The following NRCAM variants were observed in gnomAD, a reference collection of about 807,000 sequenced individuals.
NRCAM encodes the protein neuronal cell adhesion molecule.
NRCAM carries 83 observed loss-of-function variants against 156.5 expected under a neutral mutation model. The observed-to-expected ratio is 0.53, with a 90% CI of 0.44 to 0.64. The LOEUF is 0.64. Among genes scored for constraint, NRCAM ranks in the 30% least tolerant of loss-of-function variants. The pLI, the probability that NRCAM is intolerant of heterozygous loss-of-function variation, is 0.00. For synonymous variants in NRCAM, 538 were observed against 563.9 expected, an observed-to-expected ratio of 0.95 and a Z score of 0.65; for missense variants, 1,417 against 1,597.3, an observed-to-expected ratio of 0.89 and a Z score of 1.92.
intron 20 of NRCAM, 121 bp from the exon 21 acceptor site, chr7:108,184,735 T>G: frequency 2.8e-6 from 2 of 704,518 alleles, no homozygotes; most frequent in Non-Finnish European, 4.5e-6. Flanking sequence ...TATTTTACTT[T>G]CAAGAAAAAT....
At chr7:108,385,222 C>T (rs888549186) in intron 2 of NRCAM, among the ~76,000 whole-genome samples, 1 of 152,168 alleles carries the variant, frequency 6.6e-6, no homozygotes, top group African/African-American at 2.4e-5. Context: ...ATGATTCAAA[C>T]CCTTGTATTT....
In NRCAM at chr7:108,175,416, G is replaced by A. The variant is rs1032461802; in HGVS notation, c.3152-59C>T. 4.2e-5 allele frequency: 57 copies of A among 1,349,290 alleles called. 1 individual carries two copies. In the Admixed American group the frequency reaches 1.2e-3, roughly 28 times the overall value. The allele number at this position is 1,349,290 out of a possible 1,614,324, so 83.6% of individuals were successfully genotyped here. A position where few individuals can be genotyped will look rare whatever the true frequency, so the allele number is the denominator to read the frequency against. The stretch of plus-strand genomic sequence containing the variant: ...ATAGTTAGATGTAACACACCCATGA[G>A]CATGTATAGCGATACAAAAACACTT... On this transcript the variant is annotated intron_variant, in intron 27 of 32. Transcript: ENST00000379028.
At chr7:108,220,264 C>T (rs2153666687) in intron 11 of NRCAM, among the ~76,000 whole-genome samples, 1 of 152,210 alleles carries the variant, frequency 6.6e-6, no homozygotes, top group South Asian at 2.1e-4. Context: ...GTGAAAATGA[C>T]ATACTGCCAA....
intron 3 of NRCAM, among the ~76,000 whole-genome samples, chr7:108,279,046 A>T (rs886413539): frequency 6.6e-6 from 1 of 152,214 alleles, no homozygotes; most frequent in African/African-American, 2.4e-5. Flanking sequence ...CACTGAAAGA[A>T]GGTTGTCTGC....
At position 108,296,363 on chromosome 7, in the gene NRCAM, A is replaced by G. The variant is rs1048309291; in HGVS notation, c.-107+16302T>C. Among the ~76,000 whole-genome samples, 4 of 152,182 alleles carry G rather than the reference A, an allele frequency of 2.6e-5. No individual in the cohort carries two copies. The East Asian group carries it at 5.8e-4, about 22-fold the overall frequency. ...TAGAAAGAACTGAAGTAGAGCCACT[A>G]AAGTATTACTTATGGATGAAACCTC... On this transcript the variant is annotated intron_variant, in intron 3 of 32. Coordinates refer to ENST00000379028, the MANE Select transcript of NRCAM (RefSeq NM_001037132.4).
chr7:108,236,541 C>T (rs550147211), intron 5 of NRCAM, among the ~76,000 whole-genome samples: 190 of 152,178 alleles, frequency 1.2e-3, no homozygotes, highest in Non-Finnish European at 2.3e-3. Context: ...AAGCCAATTT[C>T]TTAACTTCTA....
intron 19 of NRCAM, 81 bp from the exon 20 acceptor site, chr7:108,189,827 G>T: frequency 6.0e-6 from 4 of 661,768 alleles, no homozygotes; most frequent in Non-Finnish European, 8.1e-6. Context: ...TATTCACAGA[G>T]GGGACATCTT....
At chr7:108,283,133 C>A (rs1028685410) in intron 3 of NRCAM, among the ~76,000 whole-genome samples, 2 of 152,194 alleles carry the variant, frequency 1.3e-5, no homozygotes, top group Admixed American at 6.5e-5. Context: ...AGAAAGTCAG[C>A]TATACTGATT....
chr7:108,195,014 T>G (rs537577926), intron 15 of NRCAM, among the ~76,000 whole-genome samples: 1 of 152,292 alleles, frequency 6.6e-6, no homozygotes, highest in East Asian at 1.9e-4. Flanking sequence ...CAGGAAGACC[T>G]GGTGCAACAA....
chr7:108,165,244 T>G (rs2053196316), intron 30 of NRCAM, among the ~76,000 whole-genome samples: 1 of 151,862 alleles, frequency 6.6e-6, no homozygotes. Context: ...GCAGTGGGGG[T>G]ATAGTGAGGC....
At chr7:108,275,155 G>T (rs542888109) in intron 3 of NRCAM, among the ~76,000 whole-genome samples, 19 of 152,290 alleles carry the variant, frequency 1.2e-4, no homozygotes, top group African/African-American at 3.8e-4. Flanking sequence ...TTTTATTGAG[G>T]ATTTTTGCAT....
chr7:108,305,618 T>TC (rs1021857271), intron 3 of NRCAM, among the ~76,000 whole-genome samples: 58 of 152,254 alleles, frequency 3.8e-4, no homozygotes, highest in African/African-American at 1.4e-3. Flanking sequence ...GGCCTTTCCT[T>TC]CCCCAAGCTA....
chr7:108,347,032 G>GTTTTTTTTTTTTTTTTTTT (rs754160030), intron 2 of NRCAM, among the ~76,000 whole-genome samples: 1 of 83,052 alleles, frequency 1.2e-5, no homozygotes, highest in Non-Finnish European at 2.1e-5. Flanking sequence ...TTATATTTCT[G>GTTTTTTTTTTTTTTTTTTT]TTTTTTTTTT....
Position 108,147,923 on chromosome 7 carries a change from T to TA in NRCAM, c.*1986dup, listed in dbSNP as rs2039635419. The TA allele has an allele frequency of 6.5e-6, 1 of 152,692 alleles. No individual in the cohort carries two copies. The highest frequency in any genetic ancestry group is 2.4e-5 in the African/African-American group (1 of 41,468). 9.5% of individuals were successfully genotyped at this position (152,692 alleles called of 1,614,324 possible). ...TGTTCTCCCAAAATATTGGCAAATTTAAAGTAACTTTTAATCTTTGTGCTC... is the reference window on the plus strand; with the variant it reads ...TGTTCTCCCAAAATATTGGCAAATTTAAAAGTAACTTTTAATCTTTGTGCTC... On this transcript the variant is annotated 3_prime_UTR_variant, in exon 33 of 33. Coordinates refer to ENST00000379028, the MANE Select transcript of NRCAM (RefSeq NM_001037132.4).
chr7:108,434,906 A>G (rs1261020851), intron 1 of NRCAM, among the ~76,000 whole-genome samples: 1 of 152,228 alleles, frequency 6.6e-6, no homozygotes, highest in Non-Finnish European at 1.5e-5. Flanking sequence ...AACAGCTACA[A>G]ATTTCTCAGG....
chr7:108,316,384 C>T (rs1421582412), intron 2 of NRCAM, among the ~76,000 whole-genome samples: 2 of 152,142 alleles, frequency 1.3e-5, no homozygotes, highest in African/African-American at 2.4e-5. Flanking sequence ...ATTTATTTTC[C>T]TTATAAATTA....
At chr7:108,440,278 G>A (rs1837107912) in intron 1 of NRCAM, among the ~76,000 whole-genome samples, 1 of 152,030 alleles carries the variant, frequency 6.6e-6, no homozygotes, top group African/African-American at 2.4e-5. Flanking sequence ...AATATGAAAT[G>A]TCCAGAAAAG....
rs2099791215 is a variant in NRCAM, at chr7:108,401,099, A to C, written c.-331-1506T>G. Among the ~76,000 whole-genome samples, 4 of 152,128 alleles carry C rather than the reference A, an allele frequency of 2.6e-5. No individual in the cohort carries two copies. The South Asian group carries it at 8.3e-4, about 32-fold the overall frequency. On this transcript the variant is annotated intron_variant, in intron 1 of 32. Transcript: ENST00000379028. ...ACATGGTGAAACCCCGTCTCTACTA[A>C]AAAATACAAAAACGCCTGTAATCCC...
intron 3 of NRCAM, among the ~76,000 whole-genome samples, chr7:108,309,724 G>A (rs2098773824): frequency 6.6e-6 from 1 of 152,118 alleles, no homozygotes; most frequent in Admixed American, 6.5e-5. Flanking sequence ...AGGCATGTTG[G>A]TATGCATCTG....
Sources: allele counts gnomAD v4.1 joint callset (sites outside exome capture counted in the v4.1 genomes callset), GRCh38; gene constraint gnomAD v4.1.1; transcripts MANE v1.5; gene names NCBI Gene and HGNC (gene_info 2026-07-23, HGNC 2026-07-21).